BCKDHB: variants seen among roughly 807,000 people sequenced by gnomAD.
The protein encoded by BCKDHB is branched chain keto acid dehydrogenase E1 subunit beta.
BCKDHB carries 41 observed loss-of-function variants against 48.5 expected under a neutral mutation model. That is an observed-to-expected ratio of 0.85 (90% CI 0.66 to 1.10). The LOEUF (loss-of-function observed/expected upper bound fraction) is 1.10. BCKDHB is among the 50% of genes least tolerant of loss of function. The pLI is 0.00. For synonymous variants in BCKDHB, 201 were observed against 174.8 expected, an observed-to-expected ratio of 1.15 and a Z score of -1.18; for missense variants, 496 against 494.2, an observed-to-expected ratio of 1.00 and a Z score of -0.03.
the BCKDHB span, among the ~76,000 whole-genome samples, chr6:80,404,406 G>T: frequency 6.6e-6 from 1 of 151,690 alleles, no homozygotes; most frequent in African/African-American, 2.4e-5. Context: ...TATGGCATTG[G>T]TTGTAATACC....
At chr6:80,132,619 G>T (rs749244766) in intron 3 of BCKDHB, among the ~76,000 whole-genome samples, 4 of 152,168 alleles carry the variant, frequency 2.6e-5, no homozygotes, top group Non-Finnish European at 4.4e-5. Flanking sequence ...TCCTGTCATG[G>T]CAGGAGGCTG....
chr6:80,202,008 G>A (rs1052005558), intron 7 of BCKDHB, among the ~76,000 whole-genome samples: 4 of 152,048 alleles, frequency 2.6e-5, no homozygotes, highest in African/African-American at 9.7e-5. Context: ...TTGGCGAGTT[G>A]TATCCCATTG....
At chr6:80,164,610 G>GTGTC (rs534632469) in intron 3 of BCKDHB, among the ~76,000 whole-genome samples, 97 of 152,300 alleles carry the variant, frequency 6.4e-4, no homozygotes, top group African/African-American at 2.3e-3. Flanking sequence ...TGTTAGGAAA[G>GTGTC]TGTCTGTATA....
At chr6:80,374,548 G>A in the BCKDHB span, 50 of 707,280 alleles carry the variant, frequency 7.1e-5, no homozygotes, top group Admixed American at 7.7e-4. Context: ...GGGTTCTCCC[G>A]GTCAAGTGTA....
the BCKDHB span, among the ~76,000 whole-genome samples, chr6:80,446,720 A>ATTTTTTTTTTTTTTTTTTTTTTTTTTTTT: frequency 1.8e-5 from 2 of 111,362 alleles, no homozygotes; most frequent in African/African-American, 3.3e-5. Context: ...CTTCTGGACA[A>ATTTTTTTTTTTTTTTTTTTTTTTTTTTTT]TTTTTTTTTT....
chr6:80,190,715 C>G (rs2127805203), intron 6 of BCKDHB, among the ~76,000 whole-genome samples: 1 of 152,148 alleles, frequency 6.6e-6, no homozygotes, highest in Middle Eastern at 3.4e-3. Context: ...TCTGTTAGGT[C>G]TTTGTTAGTT....
At chr6:80,419,304 G>A in the BCKDHB span, among the ~76,000 whole-genome samples, 5 of 152,160 alleles carry the variant, frequency 3.3e-5, no homozygotes, top group Non-Finnish European at 7.3e-5. Context: ...TTCTCTGCTG[G>A]TCAAGCATAA....
At chr6:80,390,822 C>A in the BCKDHB span, among the ~76,000 whole-genome samples, 1 of 152,066 alleles carries the variant, frequency 6.6e-6, no homozygotes, top group Non-Finnish European at 1.5e-5. Flanking sequence ...AGTATTAATC[C>A]TGGGTGTGTC....
chr6:80,207,683 A>G (rs1447071088), intron 8 of BCKDHB, among the ~76,000 whole-genome samples: 2 of 151,832 alleles, frequency 1.3e-5, no homozygotes, highest in Non-Finnish European at 2.9e-5. Context: ...GAAAGGATGG[A>G]AAAAGAAAGC....
At chr6:80,437,349 A>T in the BCKDHB span, among the ~76,000 whole-genome samples, 1 of 152,316 alleles carries the variant, frequency 6.6e-6, no homozygotes, top group Non-Finnish European at 1.5e-5. Context: ...ATTCTTTGAA[A>T]ATCTAACATC....
the BCKDHB span, among the ~76,000 whole-genome samples, chr6:80,454,978 T>C: frequency 6.6e-6 from 1 of 152,228 alleles, no homozygotes; most frequent in Admixed American, 6.5e-5. Context: ...TCATGTTGTC[T>C]ATGAATCCTG....
the BCKDHB span, among the ~76,000 whole-genome samples, chr6:80,369,286 A>G: frequency 6.6e-6 from 1 of 152,218 alleles, no homozygotes; most frequent in Non-Finnish European, 1.5e-5. Context: ...AACTTTAATT[A>G]TAGTGTCTTG....
At chr6:80,276,370 C>T (rs1375871152) in intron 9 of BCKDHB, among the ~76,000 whole-genome samples, 1 of 151,644 alleles carries the variant, frequency 6.6e-6, no homozygotes, top group Non-Finnish European at 1.5e-5. Flanking sequence ...AAGTTACTAC[C>T]TATATTAAAA....
chr6:80,187,735 A>G (rs1009894052), intron 6 of BCKDHB, among the ~76,000 whole-genome samples: 8 of 152,148 alleles, frequency 5.3e-5, no homozygotes, highest in African/African-American at 1.2e-4. Context: ...AATGCTCAAC[A>G]TCACCCATCA....
intron 9 of BCKDHB, among the ~76,000 whole-genome samples, chr6:80,274,590 A>T (rs1238508047): frequency 1.3e-5 from 2 of 151,994 alleles, no homozygotes; most frequent in Non-Finnish European, 2.9e-5. Context: ...GCTAATTGAA[A>T]CTTTGACAGC....
chr6:80,384,198 G>A, the BCKDHB span, among the ~76,000 whole-genome samples: 1 of 151,950 alleles, frequency 6.6e-6, no homozygotes, highest in East Asian at 1.9e-4. Context: ...TAATTGGGTG[G>A]GTACCATCTA....
chr6:80,189,600 C>A (rs1465196928), intron 6 of BCKDHB, among the ~76,000 whole-genome samples: 1 of 152,124 alleles, frequency 6.6e-6, no homozygotes, highest in Non-Finnish European at 1.5e-5. Context: ...TTTTCATCTA[C>A]ACTATATATA....
chr6:80,428,002 C>G, the BCKDHB span, among the ~76,000 whole-genome samples: 1 of 152,174 alleles, frequency 6.6e-6, no homozygotes, highest in South Asian at 2.1e-4. Context: ...AGGTATTTCT[C>G]CTAACGCTAT....
At chr6:80,449,802 G>A in the BCKDHB span, among the ~76,000 whole-genome samples, 1 of 152,086 alleles carries the variant, frequency 6.6e-6, no homozygotes, top group African/African-American at 2.4e-5. Context: ...ATAATGTTCT[G>A]TCATCAACAA....
Sources: gnomAD v4.1 joint callset for allele counts (sites outside exome capture counted in the v4.1 genomes callset) on GRCh38, gnomAD v4.1.1 for gene constraint, MANE v1.5 for transcripts, NCBI Gene and HGNC (gene_info 2026-07-23, HGNC 2026-07-21) for gene names.